The following ASCC2 variants were observed in gnomAD, a reference collection of about 807,000 sequenced individuals.
ASCC2 encodes activating signal cointegrator 1 complex subunit 2, also known as ASC-1 complex subunit P100.
In ASCC2, 42 loss-of-function variants were observed where a neutral mutation model predicts 93.5. The ratio of observed to expected loss-of-function variants is 0.45; its 90% CI spans 0.35 to 0.58. ASCC2 has a LOEUF of 0.58. Among genes scored for constraint, ASCC2 ranks in the 20% least tolerant of loss-of-function variants. The pLI, the probability that ASCC2 is intolerant of heterozygous loss-of-function variation, is 0.00. For synonymous variants in ASCC2, 364 were observed against 384.2 expected, an observed-to-expected ratio of 0.95 and a Z score of 0.62; for missense variants, 859 against 977.6, an observed-to-expected ratio of 0.88 and a Z score of 1.62.
intron 8 of ASCC2, among the ~76,000 whole-genome samples, chr22:29,812,292 G>A (rs1438977857): frequency 6.6e-6 from 1 of 152,204 alleles, no homozygotes; most frequent in Non-Finnish European, 1.5e-5. Flanking sequence ...GAGGCCACTA[G>A]GAAGAGGCCT....
At chr22:29,834,943 G>C (rs2063592480) in intron 1 of ASCC2, among the ~76,000 whole-genome samples, 1 of 152,130 alleles carries the variant, frequency 6.6e-6, no homozygotes, top group Non-Finnish European at 1.5e-5. Context: ...TGACTGACAG[G>C]CCCAGTTCTT....
At chr22:29,814,581 T>C in intron 7 of ASCC2, 76 bp downstream of exon 7, 1 of 1,296,832 alleles carries the variant, frequency 7.7e-7, no homozygotes, top group Non-Finnish European at 1.1e-6. Context: ...TGGGGCAATC[T>C]TCCCAGCCTC....
At chr22:29,807,726 C>T (rs189555737) in intron 9 of ASCC2, among the ~76,000 whole-genome samples, 50 of 151,932 alleles carry the variant, frequency 3.3e-4, no homozygotes, top group Admixed American at 2.9e-3. Flanking sequence ...CTGGCCAACA[C>T]GTCAAAACCC....
At chr22:29,801,930 A>AGGAAG (rs1452420021) in intron 14 of ASCC2, 64 bp downstream of exon 14, 4 of 1,390,980 alleles carry the variant, frequency 2.9e-6, no homozygotes, top group Non-Finnish European at 4.0e-6. Context: ...GAAGGAAGAG[A>AGGAAG]GGAAGGGGCC....
chr22:29,835,138 C>T (rs1305298077), intron 1 of ASCC2, among the ~76,000 whole-genome samples: 1 of 152,184 alleles, frequency 6.6e-6, no homozygotes, highest in African/African-American at 2.4e-5. Context: ...TGGCTCATGC[C>T]TGTAATCCCA....
chr22:29,792,918 GA>G (rs2057945609), intron 17 of ASCC2, among the ~76,000 whole-genome samples: 1 of 152,170 alleles, frequency 6.6e-6, no homozygotes, highest in South Asian at 2.1e-4. Context: ...GGTTGAGGTG[GA>G]AGGATCACTT....
At chr22:29,832,740 C>A (rs981852653) in intron 1 of ASCC2, among the ~76,000 whole-genome samples, 2 of 151,558 alleles carry the variant, frequency 1.3e-5, no homozygotes, top group African/African-American at 4.9e-5. Flanking sequence ...CACACACCAC[C>A]ATGCCCAGCT....
chr22:29,834,082 A>AT, intron 1 of ASCC2: 1 of 166,182 alleles, frequency 6.0e-6, no homozygotes. Context: ...GCTCACAAAA[A>AT]GTCTAAGGTT....
chr22:29,804,450 C>A (rs1340355463), intron 13 of ASCC2, among the ~76,000 whole-genome samples, 188 bp downstream of exon 13: 1 of 152,204 alleles, frequency 6.6e-6, no homozygotes, highest in African/African-American at 2.4e-5. Context: ...CACAGTCCAG[C>A]ATGCCCCCAG....
At chr22:29,829,690 CTCTG>C (rs2062880209) in intron 2 of ASCC2, among the ~76,000 whole-genome samples, 2 of 150,482 alleles carry the variant, frequency 1.3e-5, no homozygotes, top group South Asian at 2.1e-4. Flanking sequence ...CAGAGCAAGA[CTCTG>C]TCTGGGAAAA....
At chr22:29,800,406 G>A (rs750489601) in intron 15 of ASCC2, among the ~76,000 whole-genome samples, 1 of 152,020 alleles carries the variant, frequency 6.6e-6, no homozygotes, top group African/African-American at 2.4e-5. Flanking sequence ...GGCAGGGGCC[G>A]TGTCTGTTTC....
intron 2 of ASCC2, among the ~76,000 whole-genome samples, chr22:29,830,338 G>C (rs2062972064): frequency 6.6e-6 from 1 of 152,160 alleles, no homozygotes; most frequent in African/African-American, 2.4e-5. Context: ...TGTGTGAAAT[G>C]AACACGAAGC....
At chr22:29,817,675 T>A (rs1411016614) in intron 5 of ASCC2, among the ~76,000 whole-genome samples, 2 of 152,180 alleles carry the variant, frequency 1.3e-5, no homozygotes, top group African/African-American at 4.8e-5. Context: ...GCAGCCTGAG[T>A]AAAGCGAGGT....
At position 29,816,032 on chromosome 22, in the gene ASCC2, C is replaced by A. The variant is rs1374023762; in HGVS notation, c.583G>T (p.Asp195Tyr). 3.1e-6 allele frequency: 5 copies of A among 1,598,762 alleles called. No homozygotes were observed. The Admixed American group carries it at 6.9e-5, about 22-fold the overall frequency. Residue 195 changes from aspartate to tyrosine, a missense_variant, in exon 6 of 20, where the codon GAT (aspartate) becomes TAT (tyrosine). Physicochemically the swap from Asp to Tyr is radical, Grantham distance 160 (BLOSUM62 -3). Coordinates refer to ENST00000307790, the MANE Select transcript of ASCC2 (RefSeq NM_032204.5). ...TGAAGGATGGTAGGCAGGGTTTCAT[C>A]CAGGTCACTGTAGTAACTTGGCTGC... Reference protein sequence around the residue: ...TQQPSYYSDLDETLPTILQVF... With the variant: ...TQQPSYYSDLYETLPTILQVF...
rs2059015743 is a variant in ASCC2 at position 29,801,027 on chromosome 22, T to C, written c.1652A>G (p.Asp551Gly). The C allele has an allele frequency of 6.2e-7, 1 of 1,603,224 alleles. No homozygotes were observed. Among genetic ancestry groups the C allele is most frequent in the East Asian group, 2.3e-5 (1 of 44,394 alleles). ...QNDEFDVFSR[D>G]SVDLSRVHKG... is the part of the protein sequence containing the mutation. ...GTGCACCCGGCTCAGGTCTACTGAG[T>C]CCCTGCTGAACACATCAAACTCGTC... Residue 551 changes from aspartate to glycine, a missense_variant, in exon 15 of 20, where the codon GAC (aspartate) becomes GGC (glycine). Asp to Gly is a moderately conservative substitution (Grantham distance 94). Transcript: ENST00000307790.
At chr22:29,799,926 T>C (rs774038237) in intron 15 of ASCC2, among the ~76,000 whole-genome samples, 9 of 152,202 alleles carry the variant, frequency 5.9e-5, no homozygotes, top group Admixed American at 2.6e-4. Context: ...TAGCTGGAAC[T>C]ATAGGCGTGT....
chr22:29,816,678 C>T (rs947996388), intron 5 of ASCC2: 1 of 152,188 alleles, frequency 6.6e-6, no homozygotes. Flanking sequence ...TAAGATGAAG[C>T]TTGTCTCCAA....
At chr22:29,792,680 T>G in intron 17 of ASCC2, 145 bp from the exon 18 acceptor site, 1 of 1,146,598 alleles carries the variant, frequency 8.7e-7, no homozygotes, top group Admixed American at 2.4e-5. Context: ...CAAGCCAGAT[T>G]TGCTCCAGCC....
Position 29,793,500 on chromosome 22 carries a change from C to T in ASCC2, c.1789-10G>A. 1.2e-6 allele frequency: 2 copies of T among 1,614,134 alleles called. No individual in the cohort carries two copies. The highest frequency in any genetic ancestry group is 1.7e-6 in the Non-Finnish European group (2 of 1,180,032). On this transcript the variant is annotated splice_polypyrimidine_tract_variant and intron_variant, in intron 16 of 19. Coordinates refer to ENST00000307790, the MANE Select transcript of ASCC2 (RefSeq NM_032204.5). ...CTGGCTGCAGTGGCACCTGCAATGG[C>T]ATAAGCATGGGTCTGGGGGGCTCAG...
Sources: allele counts gnomAD v4.1 joint callset (sites outside exome capture counted in the v4.1 genomes callset), GRCh38; gene constraint gnomAD v4.1.1; transcripts MANE v1.5; gene names NCBI Gene and HGNC (gene_info 2026-07-23, HGNC 2026-07-21).